The following CLP1 variants were observed in gnomAD, a reference collection of about 807,000 sequenced individuals.
CLP1 encodes polyribonucleotide 5'-hydroxyl-kinase Clp1.
In CLP1, 18 loss-of-function variants were observed where a neutral mutation model predicts 29.9. That is an observed-to-expected ratio of 0.60 (90% confidence interval 0.42 to 0.89). The LOEUF (loss-of-function observed/expected upper bound fraction) is 0.89, where lower values mean the gene tolerates loss of function less well. Among genes scored for constraint, CLP1 ranks in the 40% least tolerant of loss-of-function variants. CLP1 has a pLI of 0.00. For missense variants in CLP1, 357 were observed against 544.8 expected, an observed-to-expected ratio of 0.66 and a Z score of 3.43; for synonymous variants, 162 against 206.2, an observed-to-expected ratio of 0.79 and a Z score of 1.84.
At position 57,659,489 on chromosome 11, in the gene CLP1, G is replaced by A. The variant is rs1945853029; in HGVS notation, c.13G>A (p.Ala5Thr). MGEE[A>T]NDDKKPTTKF... ...CTACACAGAAGAGATGGGAGAAGAGGCTAATGATGACAAGAAGCCAACCAC... is the reference window on the plus strand; with the variant it reads ...CTACACAGAAGAGATGGGAGAAGAGACTAATGATGACAAGAAGCCAACCAC... Residue 5 changes from alanine to threonine, a missense_variant, in exon 2 of 3, where the codon GCT (alanine) becomes ACT (threonine). Coordinates refer to ENST00000533682, the MANE Select transcript of CLP1 (RefSeq NM_006831.3). The A allele has an allele frequency of 1.9e-6, 3 of 1,614,118 alleles. No homozygotes were observed. The highest frequency in any genetic ancestry group is 1.7e-6 in the Non-Finnish European group (2 of 1,180,014).
rs1945869096 is a variant in CLP1 at position 57,660,818 on chromosome 11, G to A, written c.660G>A (p.Arg220=). The change falls in exon 3 of 3, where the codon AGG becomes AGA. Residue 220 remains arginine (R), a synonymous_variant. Coordinates refer to ENST00000533682, the MANE Select transcript of CLP1 (RefSeq NM_006831.3). Reference sequence around the variant, plus strand: ...ACCAAAGGTGTGAGGTGAACCGAAGGGCATCTGTGAGTGGCTGTGTCATTA... The same window carrying A: ...ACCAAAGGTGTGAGGTGAACCGAAGAGCATCTGTGAGTGGCTGTGTCATTA... ...VFNQRCEVNR[R]ASVSGCVINT... is the part of the protein sequence containing the mutation. The A allele has an allele frequency of 6.2e-7, 1 of 1,612,584 alleles. No homozygotes were observed. The highest frequency in any genetic ancestry group is 1.7e-5 in the Admixed American group (1 of 59,986).
Position 57,659,650 on chromosome 11 carries a change from T to A in CLP1, c.174T>A (p.Asp58Glu), listed in dbSNP as rs1187238634. 1 of 1,614,162 alleles carries A rather than the reference T, an allele frequency of 6.2e-7. No individual in the cohort carries two copies. The highest frequency in any genetic ancestry group is 1.1e-5 in the South Asian group (1 of 91,084). The change falls in exon 2 of 3, where the codon GAT (aspartate) becomes GAA (glutamate). Residue 58 changes from aspartate (D) to glutamate (E), a missense_variant. Physicochemically the swap from Asp to Glu is conservative, Grantham distance 45 (BLOSUM62 2). Transcript: ENST00000533682. ...CCCGAAACAAGAAATTCACCTTTGA[T>A]GCTGGTGCCAAGGTGGCTGTTTTCA... ...ELTRNKKFTF[D>E]AGAKVAVFTW...
At position 57,659,850 on chromosome 11, in the gene CLP1, T is replaced by G; in HGVS notation, c.374T>G (p.Val125Gly). 6.2e-7 allele frequency: 1 copy of G among 1,614,152 alleles called. No individual in the cohort carries two copies. The highest frequency in any genetic ancestry group is 8.5e-7 in the Non-Finnish European group (1 of 1,180,044). Residue 125 changes from valine (V) to glycine (G), a missense_variant, in exon 2 of 3, where the codon GTG (valine) becomes GGG (glycine). By Grantham distance (109) the Val-to-Gly change is moderately radical. Transcript: ENST00000533682. ...GTGATGGTAGTGGGCCCCACTGATG[T>G]GGGCAAGTCTACAGTGTGTCGCCTT... is the stretch of plus-strand genomic sequence containing the variant. ...PRVMVVGPTDVGKSTVCRLLL... is the reference protein window; with the variant it reads ...PRVMVVGPTDGGKSTVCRLLL...
chr11:57,659,508 C>T lies in CLP1; in HGVS notation c.32C>T (p.Pro11Leu). 1 of 1,614,126 alleles carries T rather than the reference C, an allele frequency of 6.2e-7. No individual in the cohort carries two copies. ...GAAGAGGCTAATGATGACAAGAAGCCAACCACTAAATTTGAACTAGAGCGA... is the reference window on the plus strand; with the variant it reads ...GAAGAGGCTAATGATGACAAGAAGCTAACCACTAAATTTGAACTAGAGCGA... MGEEANDDKK[P>L]TTKFELERET... The change falls in exon 2 of 3, where the codon CCA becomes CTA. Residue 11 changes from proline to leucine, a missense_variant. Pro to Leu is a moderately conservative substitution (Grantham distance 98). Transcript: ENST00000533682.
chr11:57,659,709 G>A lies in CLP1; in HGVS notation c.233G>A (p.Arg78His), dbSNP rs752132257. The A allele has an allele frequency of 1.9e-6, 3 of 1,614,004 alleles. No homozygotes were observed. Among genetic ancestry groups the A allele is most frequent in the Admixed American group, 1.7e-5 (1 of 59,986 alleles). ...WHGCSVQLSGRTEVAYVSKDT... is the reference protein window; with the variant it reads ...WHGCSVQLSGHTEVAYVSKDT... ...GGCTGTTCTGTGCAACTGAGCGGCC[G>A]CACTGAGGTGGCTTATGTCTCCAAG... is the stretch of plus-strand genomic sequence containing the variant. The change falls in exon 2 of 3, where the codon CGC (arginine) becomes CAC (histidine). Residue 78 changes from arginine (R) to histidine (H), a missense_variant. Arg to His is a conservative substitution (Grantham distance 29, BLOSUM62 0). Transcript: ENST00000533682.
intron 1 of CLP1, among the ~76,000 whole-genome samples, chr11:57,658,521 C>T (rs1483482000): frequency 3.3e-5 from 5 of 152,074 alleles, no homozygotes; most frequent in Non-Finnish European, 7.4e-5. Context: ...GCGGGGAAGA[C>T]ACAATATATA....
In CLP1 at chr11:57,659,564, T is replaced by C; in HGVS notation, c.88T>C (p.Ser30Pro). 6.2e-7 allele frequency: 1 copy of C among 1,614,138 alleles called. No individual in the cohort carries two copies. Residue 30 changes from serine to proline, a missense_variant, in exon 2 of 3, where the codon TCT (serine) becomes CCT (proline). Physicochemically the swap from Ser to Pro is moderately conservative, Grantham distance 74 (BLOSUM62 -1). Transcript: ENST00000533682. ...AGAACTTCGCTTTGAGGTGGAGGCA[T>C]CTCAGTCAGTTCAGTTGGAGTTGTT... ...ETELRFEVEASQSVQLELLTG... is the reference protein window; with the variant it reads ...ETELRFEVEAPQSVQLELLTG...
intron 1 of CLP1, among the ~76,000 whole-genome samples, chr11:57,659,191 C>T (rs1387826194): frequency 6.6e-6 from 1 of 151,104 alleles, no homozygotes; most frequent in Non-Finnish European, 1.5e-5. Flanking sequence ...TCAAGCGATT[C>T]TCCTGCCTTG....
Position 57,657,840 on chromosome 11 carries a change from G to C in CLP1, c.-43G>C, listed in dbSNP as rs748680170. 6 of 152,328 alleles carry C rather than the reference G, an allele frequency of 3.9e-5. No individual in the cohort carries two copies. Among genetic ancestry groups the C allele is most frequent in the Non-Finnish European group, 8.8e-5 (6 of 68,116 alleles). The allele number at this position is 152,328 out of a possible 1,614,324, so 9.4% of individuals were successfully genotyped here. A position where few individuals can be genotyped will look rare whatever the true frequency, so the allele number is the denominator to read the frequency against. On this transcript the variant is annotated 5_prime_UTR_variant, in exon 1 of 3. Coordinates refer to ENST00000533682, the MANE Select transcript of CLP1 (RefSeq NM_006831.3). ...ACGGGAGGACCTTCTGAGTTTACCT[G>C]TTGGGCTCCTGGCTGCGCAGGTGAG...
In CLP1 at chr11:57,661,734, A is replaced by G. The variant is rs1945879165; in HGVS notation, c.*298A>G. 3.0e-6 allele frequency: 1 copy of G among 328,366 alleles called. No homozygotes were observed. Among genetic ancestry groups the G allele is most frequent in the Admixed American group, 4.4e-5 (1 of 22,886 alleles). 20.3% of individuals were successfully genotyped at this position (328,366 alleles called of 1,614,324 possible). ...CTGTGCTACTATGTGGTTTTTAAAA[A>G]ATCAATGCTTTATATTCCATATGTG... On this transcript the variant is annotated 3_prime_UTR_variant, in exon 3 of 3. Coordinates refer to ENST00000533682, the MANE Select transcript of CLP1 (RefSeq NM_006831.3).
rs1239753311 is a variant in CLP1, at chr11:57,657,865, G to C, written c.-23+5G>C. The C allele has an allele frequency of 6.6e-6, 1 of 152,302 alleles. No homozygotes were observed. The highest frequency in any genetic ancestry group is 1.5e-5 in the Non-Finnish European group (1 of 68,104). 9.4% of individuals were successfully genotyped at this position (152,302 alleles called of 1,614,324 possible). On this transcript the variant is annotated splice_donor_5th_base_variant and intron_variant, in intron 1 of 2. Transcript: ENST00000533682. Reference sequence around the variant, plus strand: ...GTTGGGCTCCTGGCTGCGCAGGTGAGTTAAAAAAAGGGCAGGAACACAACT... The same window carrying C: ...GTTGGGCTCCTGGCTGCGCAGGTGACTTAAAAAAAGGGCAGGAACACAACT...
Position 57,659,804 on chromosome 11 carries a change from G to A in CLP1, c.328G>A (p.Glu110Lys). The A allele has an allele frequency of 1.2e-6, 2 of 1,614,144 alleles. No homozygotes were observed. Among genetic ancestry groups the A allele is most frequent in the Non-Finnish European group, 1.7e-6 (2 of 1,180,040 alleles). The change falls in exon 2 of 3, where the codon GAA becomes AAA. Residue 110 changes from glutamate (E) to lysine (K), a missense_variant. Glu to Lys is a moderately conservative substitution (Grantham distance 56). Coordinates refer to ENST00000533682, the MANE Select transcript of CLP1 (RefSeq NM_006831.3). ...ACAGATGCGGAGGCAAGCGGAAAAG[G>A]AAGAAGAGCGAGGTCCCCGAGTGAT... is the stretch of plus-strand genomic sequence containing the variant. The part of the protein sequence containing the change: ...LEQMRRQAEK[E>K]EERGPRVMVV...
rs969184604 is a variant in CLP1 at position 57,659,430 on chromosome 11, A to T, written c.-22-25A>T. 4 of 1,605,724 alleles carry T rather than the reference A, an allele frequency of 2.5e-6. No individual in the cohort carries two copies. In the African/African-American group the frequency reaches 5.4e-5, roughly 22 times the overall value. On this transcript the variant is annotated intron_variant, in intron 1 of 2. Coordinates refer to ENST00000533682, the MANE Select transcript of CLP1 (RefSeq NM_006831.3). ...TAACAGAAGACTGACTTATAATTAG[A>T]TCTGATATTTAATTTGTGTTCTAGG...
intron 2 of CLP1, among the ~76,000 whole-genome samples, chr11:57,660,508 A>AGCT (rs1280007501): frequency 6.6e-6 from 1 of 152,174 alleles, no homozygotes; most frequent in African/African-American, 2.4e-5. Flanking sequence ...TACAAAAAGT[A>AGCT]GCTGGGCGTG....
intron 1 of CLP1, among the ~76,000 whole-genome samples, chr11:57,658,903 G>C (rs1945846717): frequency 6.6e-6 from 1 of 152,122 alleles, no homozygotes; most frequent in African/African-American, 2.4e-5. Flanking sequence ...GCCTCCCAAA[G>C]TGCTGGGATT....
Position 57,659,940 on chromosome 11 carries a change from G to A in CLP1, c.464G>A (p.Gly155Asp), listed in dbSNP as rs774837874. The A allele has an allele frequency of 4.3e-6, 7 of 1,614,156 alleles. No individual in the cohort carries two copies. In the East Asian group the frequency reaches 1.6e-4, roughly 36 times the overall value. The change falls in exon 2 of 3, where the codon GGT becomes GAT. Residue 155 changes from glycine (G) to aspartate (D), a missense_variant. Gly to Asp is a moderately conservative substitution (Grantham distance 94). Transcript: ENST00000533682. ...TATGTGGAGCTGGATGTGGGCCAGG[G>A]TTCTGTGTCCATCCCTGGTACCATG... is the stretch of plus-strand genomic sequence containing the variant. ...PTYVELDVGQ[G>D]SVSIPGTMGA...
rs1436781102 is a variant in CLP1 at position 57,660,843 on chromosome 11, A to T, written c.685A>T (p.Asn229Tyr). The change falls in exon 3 of 3, where the codon AAC (asparagine) becomes TAC (tyrosine). Residue 229 changes from asparagine (N) to tyrosine (Y), a missense_variant. Transcript: ENST00000533682. ...RRASVSGCVINTCGWVKGSGY... is the reference protein window; with the variant it reads ...RRASVSGCVIYTCGWVKGSGY... ...GGCATCTGTGAGTGGCTGTGTCATT[A>T]ACACCTGTGGCTGGGTCAAGGGCTC... The T allele has an allele frequency of 1.9e-6, 3 of 1,614,066 alleles. No homozygotes were observed. In the Admixed American group the frequency reaches 5.0e-5, roughly 27 times the overall value.
rs1394176116 is a variant in CLP1, at chr11:57,659,811, A to G, written c.335A>G (p.Glu112Gly). ...QMRRQAEKEE[E>G]RGPRVMVVGP... Reference sequence around the variant, plus strand: ...CGGAGGCAAGCGGAAAAGGAAGAAGAGCGAGGTCCCCGAGTGATGGTAGTG... The same window carrying G: ...CGGAGGCAAGCGGAAAAGGAAGAAGGGCGAGGTCCCCGAGTGATGGTAGTG... The change falls in exon 2 of 3, where the codon GAG becomes GGG. Residue 112 changes from glutamate to glycine, a missense_variant. By Grantham distance (98) the Glu-to-Gly change is moderately conservative. Transcript: ENST00000533682. 6.2e-7 allele frequency: 1 copy of G among 1,614,154 alleles called. No homozygotes were observed. The highest frequency in any genetic ancestry group is 1.1e-5 in the South Asian group (1 of 91,088).
chr11:57,659,742 C>G lies in CLP1; in HGVS notation c.266C>G (p.Pro89Arg). ...GTGGCTTATGTCTCCAAGGACACTC[C>G]TATGTTGCTTTACCTCAACACTCAC... ...TEVAYVSKDT[P>R]MLLYLNTHTA... Residue 89 changes from proline (P) to arginine (R), a missense_variant, in exon 2 of 3, where the codon CCT becomes CGT. Physicochemically the swap from Pro to Arg is moderately radical, Grantham distance 103. Transcript: ENST00000533682. 1 of 1,614,122 alleles carries G rather than the reference C, an allele frequency of 6.2e-7. No individual in the cohort carries two copies. Among genetic ancestry groups the G allele is most frequent in the Non-Finnish European group, 8.5e-7 (1 of 1,180,034 alleles).
Sources: allele counts gnomAD v4.1 joint callset (sites outside exome capture counted in the v4.1 genomes callset), GRCh38; gene constraint gnomAD v4.1.1; transcripts MANE v1.5; gene names NCBI Gene and HGNC (gene_info 2026-07-23, HGNC 2026-07-21).